The following DRC7 variants were observed in gnomAD, a reference collection of about 807,000 sequenced individuals.
The protein encoded by DRC7 is coiled-coil domain containing 135.
Under a neutral mutation model 104.4 loss-of-function variants are expected in DRC7, and 80 were observed. That is an observed-to-expected ratio of 0.77 (90% CI 0.64 to 0.92). DRC7 has a LOEUF of 0.92. DRC7 is among the 40% of genes least tolerant of loss of function. The pLI is 0.00. For missense variants in DRC7, 1,034 were observed against 1,141.1 expected (o/e 0.91, Z 1.35); for synonymous variants, 405 against 447.3 (o/e 0.91, Z 1.19).
At chr16:57,709,795 G>A (rs78221701) in intron 8 of DRC7, among the ~76,000 whole-genome samples, 2,831 of 152,018 alleles carry the variant, frequency 0.019, 100 homozygotes, top group African/African-American at 0.064. Flanking sequence ...TTTGAGACAG[G>A]GTCTTCCTTT....
chr16:57,722,403 G>T (rs574170040), intron 10 of DRC7, among the ~76,000 whole-genome samples: 3 of 152,200 alleles, frequency 2.0e-5, no homozygotes, highest in Admixed American at 2.0e-4. Flanking sequence ...AGGGGATGAC[G>T]GTGTTTCTGG....
chr16:57,710,521 A>C (rs1353149897), intron 8 of DRC7, among the ~76,000 whole-genome samples: 2 of 152,228 alleles, frequency 1.3e-5, no homozygotes, highest in Non-Finnish European at 2.9e-5. Context: ...GGCTGGAATC[A>C]TCAGTAAATG....
chr16:57,723,025 G>C lies in DRC7; in HGVS notation c.1432G>C (p.Glu478Gln). The C allele has an allele frequency of 6.2e-7, 1 of 1,613,912 alleles. No individual in the cohort carries two copies. Among genetic ancestry groups the C allele is most frequent in the Admixed American group, 1.7e-5 (1 of 60,012 alleles). ...LQCTNILEIK[E>Q]WYQNREDMLE... ...AGGTACCAATATTTTGGAGATAAAG[G>C]AGTGGTACCAGAACCGGGAAGACAT... The change falls in exon 12 of 19, where the codon GAG (glutamate) becomes CAG (glutamine). Residue 478 changes from glutamate to glutamine, a missense_variant. Physicochemically the swap from Glu to Gln is conservative, Grantham distance 29 (BLOSUM62 2). Coordinates refer to ENST00000360716, the MANE Select transcript of DRC7 (RefSeq NM_001289162.2).
Position 57,722,777 on chromosome 16 carries a change from G to C in DRC7, c.1344G>C (p.Lys448Asn), listed in dbSNP as rs375500906. The C allele has an allele frequency of 6.2e-7, 1 of 1,613,932 alleles. No homozygotes were observed. The highest frequency in any genetic ancestry group is 8.5e-7 in the Non-Finnish European group (1 of 1,180,018). Residue 448 changes from lysine (K) to asparagine (N), a missense_variant, in exon 11 of 19, where the codon AAG (lysine) becomes AAC (asparagine). Transcript: ENST00000360716. Reference sequence around the variant, plus strand: ...AGTACAAGAGGGCAAAGCTGGAGAAGTGGGCCCCGTACCTCAATAGCAATG... The same window carrying C: ...AGTACAAGAGGGCAAAGCTGGAGAACTGGGCCCCGTACCTCAATAGCAATG... ...VIQYKRAKLE[K>N]WAPYLNSNGL...
intron 9 of DRC7, among the ~76,000 whole-genome samples, chr16:57,719,573 G>A (rs552100599): frequency 2.6e-5 from 4 of 152,186 alleles, no homozygotes; most frequent in African/African-American, 7.2e-5. Flanking sequence ...GCAGTGGCAC[G>A]ATCATAGCTC....
At chr16:57,713,373 T>G (rs1411534635) in intron 8 of DRC7, among the ~76,000 whole-genome samples, 1 of 152,250 alleles carries the variant, frequency 6.6e-6, no homozygotes, top group Admixed American at 6.5e-5. Flanking sequence ...ATTTCTTCTT[T>G]CAGTTCTATC....
rs750347089 is a variant in DRC7 at position 57,704,959 on chromosome 16, G to A, written c.783G>A (p.Glu261=). ...ACCTGTGCAGCAGGTTTGAGCAGGA[G>A]CAAGAGGTGAAGAAGCAGCAGGAGA... ...PRDLCSRFEQ[E]QEVKKQQEIR... The change falls in exon 7 of 19, where the codon GAG becomes GAA. Residue 261 remains glutamate (E), a synonymous_variant. Coordinates refer to ENST00000360716, the MANE Select transcript of DRC7 (RefSeq NM_001289162.2). The A allele has an allele frequency of 1.2e-6, 2 of 1,613,812 alleles. No homozygotes were observed. Among genetic ancestry groups the A allele is most frequent in the East Asian group, 2.2e-5 (1 of 44,884 alleles).
At chr16:57,703,199 G>T (rs1336047190) in intron 6 of DRC7, among the ~76,000 whole-genome samples, 1 of 32,942 alleles carries the variant, frequency 3.0e-5, no homozygotes, top group African/African-American at 1.3e-4. Flanking sequence ...CTTTTTAATA[G>T]CAAAAAAAAA....
intron 3 of DRC7, 60 bp from the exon 4 acceptor site, chr16:57,698,788 TGG>T: frequency 5.8e-6 from 9 of 1,550,054 alleles, no homozygotes; most frequent in Non-Finnish European, 7.1e-6. Flanking sequence ...GGCAACTCAG[TGG>T]AACCAGGGCT....
chr16:57,698,768 T>TA lies in DRC7; in HGVS notation c.204-81dup, dbSNP rs371340922. On this transcript the variant is annotated intron_variant, in intron 3 of 18. Transcript: ENST00000360716. ...CCGTGAGGATTAAATGAGGAAGGGG[T>TA]AGAGCCAATGGCAACTCAGTGGAAC... 203 of 1,371,770 alleles carry TA rather than the reference T, an allele frequency of 1.5e-4. 1 individual carries two copies. Among genetic ancestry groups the TA allele is most frequent in the African/African-American group, 1.0e-3 (73 of 69,822 alleles). The allele number at this position is 1,371,770 out of a possible 1,614,324, so 85.0% of individuals were successfully genotyped here. A position where few individuals can be genotyped will look rare whatever the true frequency, so the allele number is the denominator to read the frequency against.
chr16:57,704,829 A>AG lies in DRC7; in HGVS notation c.700-41dup, dbSNP rs565602535. ...TCACCTCTTGGAGTTGCACATGTAA[A>AG]GGGGGGATGCAGGGCCACTGACCCT... is the stretch of plus-strand genomic sequence containing the variant. On this transcript the variant is annotated intron_variant, in intron 6 of 18. Transcript: ENST00000360716. The AG allele has an allele frequency of 1.3e-4, 213 of 1,600,716 alleles. No homozygotes were observed. In the African/African-American group the frequency reaches 2.7e-3, roughly 20 times the overall value.
At chr16:57,714,457 TA>T (rs770860877) in intron 8 of DRC7, 21 of 155,956 alleles carry the variant, frequency 1.3e-4, no homozygotes, top group Middle Eastern at 2.9e-3. Flanking sequence ...CTCGTCTCTA[TA>T]AAAAAAAATT....
chr16:57,730,742 C>CA (rs2049052130), intron 17 of DRC7, among the ~76,000 whole-genome samples, 189 bp from the exon 18 acceptor site: 3 of 152,224 alleles, frequency 2.0e-5, no homozygotes, highest in Non-Finnish European at 4.4e-5. Flanking sequence ...AACATGACCC[C>CA]ACTGGCTCCC....
chr16:57,703,070 G>T (rs1184104757), intron 6 of DRC7, among the ~76,000 whole-genome samples: 17 of 151,762 alleles, frequency 1.1e-4, no homozygotes, highest in Non-Finnish European at 1.5e-5. Context: ...TTTTTTATAG[G>T]TTCTCACTAT....
intron 16 of DRC7, 65 bp downstream of exon 16, chr16:57,727,474 G>C: frequency 1.7e-6 from 2 of 1,152,602 alleles, no homozygotes; most frequent in Non-Finnish European, 2.6e-6. Flanking sequence ...CAGGGTGGTG[G>C]GGACCATGAG....
intron 13 of DRC7, 34 bp from the exon 14 acceptor site, chr16:57,726,034 C>T (rs1474186433): frequency 6.3e-7 from 1 of 1,579,440 alleles, no homozygotes; most frequent in Non-Finnish European, 8.7e-7. Context: ...CACGCTCATC[C>T]TTTGCTCATC....
intron 2 of DRC7, among the ~76,000 whole-genome samples, 164 bp downstream of exon 2, chr16:57,696,758 A>G (rs2048596897): frequency 6.7e-6 from 1 of 149,786 alleles, no homozygotes; most frequent in Non-Finnish European, 1.5e-5. Flanking sequence ...CCCACCCCCC[A>G]CTCCCTGTTT....
chr16:57,703,465 G>A (rs990062688), intron 6 of DRC7, among the ~76,000 whole-genome samples: 11 of 152,228 alleles, frequency 7.2e-5, no homozygotes, highest in Non-Finnish European at 1.0e-4. Context: ...GCAGCTTGGA[G>A]ATGGGGATCC....
Position 57,721,741 on chromosome 16 carries a change from T to C in DRC7, c.1279+2T>C, listed in dbSNP as rs1171083238. 6.2e-7 allele frequency: 1 copy of C among 1,611,908 alleles called. No individual in the cohort carries two copies. The highest frequency in any genetic ancestry group is 8.5e-7 in the Non-Finnish European group (1 of 1,178,284). ...AGCAGATTGAGATCTCCCCGGAAGG[T>C]ATTTTCTATTTGTGTATTCACTTAT... On this transcript the variant is annotated splice_donor_variant, in intron 10 of 18. Coordinates refer to ENST00000360716, the MANE Select transcript of DRC7 (RefSeq NM_001289162.2). LOFTEE classifies it high-confidence loss of function.
Sources: allele counts gnomAD v4.1 joint callset (sites outside exome capture counted in the v4.1 genomes callset), GRCh38; gene constraint gnomAD v4.1.1; transcripts MANE v1.5; gene names NCBI Gene and HGNC (gene_info 2026-07-23, HGNC 2026-07-21).